KLHL25: variants seen among roughly 807,000 people sequenced by gnomAD.
KLHL25 encodes the protein kelch-like protein 25.
Under a neutral mutation model 30.0 loss-of-function variants are expected in KLHL25, and 41 were observed. That is an observed-to-expected ratio of 1.37 (90% CI 1.07 to 1.78). The LOEUF (loss-of-function observed/expected upper bound fraction) is 1.78, where lower values mean the gene tolerates loss of function less well. Among genes scored for constraint, KLHL25 ranks in the 40% most tolerant of loss-of-function variants. The pLI, the probability that KLHL25 is intolerant of heterozygous loss-of-function variation, is 0.00. For synonymous variants in KLHL25, 399 were observed against 355.3 expected (o/e 1.12, Z -1.38); for missense variants, 971 against 824.5 (o/e 1.18, Z -2.18).
chr15:85,791,532 G>A (rs1257611132), intron 1 of KLHL25, among the ~76,000 whole-genome samples: 1 of 151,916 alleles, frequency 6.6e-6, no homozygotes, highest in Non-Finnish European at 1.5e-5. Flanking sequence ...CACATCTATC[G>A]TTTATCATCC....
chr15:85,776,543 G>C (rs553170223), intron 1 of KLHL25, among the ~76,000 whole-genome samples: 1 of 152,232 alleles, frequency 6.6e-6, no homozygotes, highest in Non-Finnish European at 1.5e-5. Flanking sequence ...ATATTGTATA[G>C]ATCTTGTTAT....
At chr15:85,781,625 A>G (rs1194059662) in intron 1 of KLHL25, among the ~76,000 whole-genome samples, 1 of 152,098 alleles carries the variant, frequency 6.6e-6, no homozygotes, top group African/African-American at 2.4e-5. Flanking sequence ...CTGGGATTAT[A>G]GGTACATGCC....
At chr15:85,780,305 G>A (rs760602577) in intron 1 of KLHL25, among the ~76,000 whole-genome samples, 44 of 152,226 alleles carry the variant, frequency 2.9e-4, no homozygotes, top group Non-Finnish European at 5.9e-5. Context: ...GAAGTAACTC[G>A]TTTCCTTCCA....
chr15:85,773,487 G>A (rs1409802992), intron 1 of KLHL25, among the ~76,000 whole-genome samples: 3 of 152,214 alleles, frequency 2.0e-5, no homozygotes, highest in Non-Finnish European at 1.5e-5. Flanking sequence ...TGTTCTCTGG[G>A]AACCACCTGC....
At chr15:85,792,967 G>A (rs1478143867) in intron 1 of KLHL25, among the ~76,000 whole-genome samples, 2 of 152,170 alleles carry the variant, frequency 1.3e-5, no homozygotes, top group East Asian at 1.9e-4. Context: ...CTGGCACACA[G>A]CAGGTGCCCA....
chr15:85,783,509 T>C (rs1191433900), intron 1 of KLHL25, among the ~76,000 whole-genome samples: 4 of 151,848 alleles, frequency 2.6e-5, no homozygotes, highest in Non-Finnish European at 5.9e-5. Context: ...CTGGTCAACA[T>C]GGTGAAACCC....
intron 1 of KLHL25, chr15:85,770,724 C>T: frequency 2.7e-6 from 1 of 366,366 alleles, no homozygotes. Context: ...GCCAGAGCTT[C>T]CCAGGTCCCC....
chr15:85,767,915 C>T (rs2089635071), intron 2 of KLHL25, 102 bp downstream of exon 2: 1 of 768,478 alleles, frequency 1.3e-6, no homozygotes, highest in African/African-American at 1.8e-5. Context: ...ACCCAGACTT[C>T]CCTGGAAGAC....
intron 1 of KLHL25, 101 bp from the exon 2 acceptor site, chr15:85,769,921 ACT>A: frequency 2.1e-6 from 2 of 974,416 alleles, no homozygotes; most frequent in South Asian, 3.3e-5. Flanking sequence ...CCTCCCACCC[ACT>A]CTCTGCTCAC....
chr15:85,774,461 A>G (rs2089697003), intron 1 of KLHL25, among the ~76,000 whole-genome samples: 2 of 152,184 alleles, frequency 1.3e-5, no homozygotes, highest in African/African-American at 4.8e-5. Context: ...TAAATGCACA[A>G]AGAAACAAAC....
Position 85,769,476 on chromosome 15 carries a change from A to G in KLHL25, c.335T>C (p.Ile112Thr), listed in dbSNP as rs1456801852. 1 of 1,613,908 alleles carries G rather than the reference A, an allele frequency of 6.2e-7. No homozygotes were observed. The highest frequency in any genetic ancestry group is 8.5e-7 in the Non-Finnish European group (1 of 1,180,028). Residue 112 changes from isoleucine to threonine, a missense_variant, in exon 2 of 3, where the codon ATC becomes ACC. Physicochemically the swap from Ile to Thr is moderately conservative, Grantham distance 89. Coordinates refer to ENST00000337975, the MANE Select transcript of KLHL25 (RefSeq NM_022480.4). The part of the protein sequence containing the change: ...LDFAYSSRIA[I>T]NEENAESLLE... The stretch of plus-strand genomic sequence containing the variant: ...CAGTGACTCAGCGTTCTCCTCGTTG[A>G]TGGCGATGCGTGAGGAGTAGGCAAA...
chr15:85,782,057 A>T (rs909766628), intron 1 of KLHL25, among the ~76,000 whole-genome samples: 14 of 152,058 alleles, frequency 9.2e-5, no homozygotes, highest in Non-Finnish European at 1.9e-4. Flanking sequence ...TCTCCAAAAA[A>T]AAAAAGACCT....
At chr15:85,770,422 T>G in intron 1 of KLHL25, 2 of 503,916 alleles carry the variant, frequency 4.0e-6, no homozygotes, top group Admixed American at 4.3e-5. Flanking sequence ...CCCACTTCCC[T>G]GCTCCCAGCA....
chr15:85,777,027 C>CT (rs1020892864), intron 1 of KLHL25, among the ~76,000 whole-genome samples: 9 of 152,234 alleles, frequency 5.9e-5, no homozygotes, highest in Non-Finnish European at 1.3e-4. Context: ...GGACAGTTTG[C>CT]TGGGCAGTAC....
intron 1 of KLHL25, among the ~76,000 whole-genome samples, chr15:85,773,707 C>T (rs745326772): frequency 3.3e-5 from 5 of 152,182 alleles, no homozygotes; most frequent in Non-Finnish European, 5.9e-5. Flanking sequence ...CTTTGAGGAA[C>T]GAAGCAGGCC....
chr15:85,762,836 A>G (rs1180227888), intron 2 of KLHL25: 1 of 152,222 alleles, frequency 6.6e-6, no homozygotes, highest in Non-Finnish European at 1.5e-5. Context: ...CAACTTCTTT[A>G]AGACAGGAGA....
chr15:85,788,026 G>C (rs538236031), intron 1 of KLHL25, among the ~76,000 whole-genome samples: 54 of 136,732 alleles, frequency 3.9e-4, no homozygotes, highest in African/African-American at 1.2e-3. Context: ...ACCGCACTGC[G>C]GCCTGGGCAA....
intron 1 of KLHL25, among the ~76,000 whole-genome samples, chr15:85,791,871 C>CA (rs1444690684): frequency 1.3e-5 from 2 of 152,344 alleles, no homozygotes; most frequent in East Asian, 3.9e-4. Context: ...CACAGACCCA[C>CA]AGCATTTGAA....
At position 85,768,398 on chromosome 15, in the gene KLHL25, C is replaced by A; in HGVS notation, c.1413G>T (p.Arg471Ser). Residue 471 changes from arginine to serine, a missense_variant, in exon 2 of 3, where the codon AGG (arginine) becomes AGT (serine). Transcript: ENST00000337975. ...KVQCYDPSEN[R>S]WTIKAECPQP... is the part of the protein sequence containing the mutation. ...GGGGGCACTCGGCCTTGATCGTCCA[C>A]CTGTTCTCCGAGGGGTCATAGCACT... 6.2e-7 allele frequency: 1 copy of A among 1,613,706 alleles called. No homozygotes were observed. Among genetic ancestry groups the A allele is most frequent in the Non-Finnish European group, 8.5e-7 (1 of 1,179,990 alleles).
Sources: allele counts gnomAD v4.1 joint callset (sites outside exome capture counted in the v4.1 genomes callset), GRCh38; gene constraint gnomAD v4.1.1; transcripts MANE v1.5; gene names NCBI Gene and HGNC (gene_info 2026-07-23, HGNC 2026-07-21).